Variants in CDH18 observed in about 807,000 individuals in gnomAD.
CDH18 encodes the protein cadherin 18.
Under a neutral mutation model 67.9 loss-of-function variants are expected in CDH18, and 31 were observed. The observed-to-expected ratio is 0.46, with a 90% CI of 0.34 to 0.62. The LOEUF is 0.62. CDH18 is among the 20% of genes least tolerant of loss of function. The pLI is 0.01. For missense variants in CDH18, 890 were observed against 975.5 expected, an observed-to-expected ratio of 0.91 and a Z score of 1.17; for synonymous variants, 362 against 347.2, an observed-to-expected ratio of 1.04 and a Z score of -0.48.
chr5:20,022,858 A>G (rs1738550837), intron 2 of CDH18, among the ~76,000 whole-genome samples: 1 of 152,304 alleles, frequency 6.6e-6, no homozygotes, highest in South Asian at 2.1e-4. Flanking sequence ...GGGTGAGTCT[A>G]TGCTTGCACT....
At chr5:20,493,356 T>TAAAAAAAAAAAAAAAAAAAAAA (rs148292031) in intron 1 of CDH18, among the ~76,000 whole-genome samples, 1 of 47,194 alleles carries the variant, frequency 2.1e-5, no homozygotes, top group Non-Finnish European at 3.5e-5. Flanking sequence ...TTCAGAAAAT[T>TAAAAAAAAAAAAAAAAAAAAAA]AAAAAAAAAA....
intron 2 of CDH18, among the ~76,000 whole-genome samples, chr5:20,045,078 T>C (rs1406940716): frequency 1.3e-5 from 2 of 152,168 alleles, no homozygotes; most frequent in Non-Finnish European, 2.9e-5. Context: ...CTCTCTCTAC[T>C]GTAAACATTT....
intron 3 of CDH18, among the ~76,000 whole-genome samples, chr5:19,812,490 A>G (rs931185652): frequency 6.6e-6 from 1 of 152,164 alleles, no homozygotes; most frequent in African/African-American, 2.4e-5. Context: ...TGGAAGTAAT[A>G]AATACATGCA....
chr5:19,547,452 A>G (rs1736531787), intron 8 of CDH18, among the ~76,000 whole-genome samples: 2 of 152,190 alleles, frequency 1.3e-5, no homozygotes, highest in East Asian at 1.9e-4. Flanking sequence ...ATGGCAGAGC[A>G]TGTCTCATTT....
intron 1 of CDH18, among the ~76,000 whole-genome samples, chr5:20,337,703 C>A (rs1232649071): frequency 1.3e-5 from 2 of 152,188 alleles, no homozygotes; most frequent in Non-Finnish European, 2.9e-5. Context: ...TTCTTCTGAG[C>A]CCTCCAAACA....
chr5:20,562,624 C>G, intron 1 of CDH18, among the ~76,000 whole-genome samples: 1 of 151,352 alleles, frequency 6.6e-6, no homozygotes, highest in South Asian at 2.1e-4. Context: ...TAATTACTGT[C>G]TTGTAATTAT....
chr5:19,537,518 C>G (rs989612404), intron 9 of CDH18, among the ~76,000 whole-genome samples: 2 of 151,962 alleles, frequency 1.3e-5, no homozygotes, highest in African/African-American at 2.4e-5. Context: ...TCTGGAGAAT[C>G]CTAATACACA....
chr5:20,405,250 T>A (rs1746136763), intron 1 of CDH18, among the ~76,000 whole-genome samples: 1 of 152,006 alleles, frequency 6.6e-6, no homozygotes, highest in Admixed American at 6.6e-5. Context: ...TATAGACCAA[T>A]GGAACAGAAC....
At chr5:20,009,270 T>C (rs1488483000) in intron 2 of CDH18, among the ~76,000 whole-genome samples, 3 of 152,092 alleles carry the variant, frequency 2.0e-5, no homozygotes, top group South Asian at 2.1e-4. Flanking sequence ...CATTTTCACA[T>C]TGACCGGTCT....
intron 2 of CDH18, among the ~76,000 whole-genome samples, chr5:20,088,701 T>A (rs955974883): frequency 3.3e-5 from 5 of 152,180 alleles, no homozygotes; most frequent in Admixed American, 6.6e-5. Flanking sequence ...AAGTTTTATA[T>A]TATTTAAGCC....
chr5:20,120,068 AGG>A (rs1260903367), intron 2 of CDH18, among the ~76,000 whole-genome samples: 1 of 152,164 alleles, frequency 6.6e-6, no homozygotes, highest in African/African-American at 2.4e-5. Context: ...ACTGTTTGAT[AGG>A]TAGCAAAGAC....
At chr5:20,224,316 A>G (rs1741443916) in intron 2 of CDH18, among the ~76,000 whole-genome samples, 1 of 152,164 alleles carries the variant, frequency 6.6e-6, no homozygotes, top group Non-Finnish European at 1.5e-5. Context: ...GTTATTTTGT[A>G]ATAGAGCAGC....
At chr5:20,252,880 G>A (rs1743962965) in intron 2 of CDH18, among the ~76,000 whole-genome samples, 1 of 151,096 alleles carries the variant, frequency 6.6e-6, no homozygotes, top group Non-Finnish European at 1.5e-5. Flanking sequence ...AGCTTGTAGT[G>A]AGCCGAGATT....
chr5:20,007,604 AAG>A lies in CDH18; in HGVS notation c.-517-15592_-517-15591del, dbSNP rs575291559. 4.0e-5 allele frequency among the ~76,000 whole-genome samples: 6 copies of A among 151,328 alleles called. No individual in the cohort carries two copies. In the South Asian group the frequency reaches 6.3e-4, roughly 16 times the overall value. On this transcript the variant is annotated intron_variant, in intron 2 of 14. Coordinates refer to the CDH18 transcript ENST00000507958. ...AAAGTGTGAATAGTGCAGAATTAGCAAGAGAGAGAGTAGCGGGAGTTGAAATC... is the reference window on the plus strand; with the variant it reads ...AAAGTGTGAATAGTGCAGAATTAGCAAGAGAGAGTAGCGGGAGTTGAAATC...
chr5:20,412,880 T>C (rs149176077), intron 1 of CDH18, among the ~76,000 whole-genome samples: 7,416 of 152,300 alleles, frequency 0.049, 253 homozygotes, highest in African/African-American at 0.1. Context: ...TTGTCACATA[T>C]GTATACATGT....
chr5:20,532,927 C>T (rs1056659831), intron 1 of CDH18, among the ~76,000 whole-genome samples: 2 of 151,424 alleles, frequency 1.3e-5, no homozygotes, highest in South Asian at 2.1e-4. Flanking sequence ...GAAACTCCCT[C>T]GTACAGTTTG....
At chr5:20,207,660 A>T (rs1740012782) in intron 2 of CDH18, among the ~76,000 whole-genome samples, 1 of 152,046 alleles carries the variant, frequency 6.6e-6, no homozygotes, top group Non-Finnish European at 1.5e-5. Context: ...CCATGCTGTG[A>T]TCCAATTATC....
chr5:19,821,010 A>C (rs1427239329), intron 3 of CDH18, among the ~76,000 whole-genome samples: 3 of 152,346 alleles, frequency 2.0e-5, no homozygotes, highest in South Asian at 4.1e-4. Flanking sequence ...TCAGATGAGA[A>C]GACATTGGCA....
intron 1 of CDH18, among the ~76,000 whole-genome samples, chr5:20,372,071 A>AT (rs566025498): frequency 1.6e-4 from 24 of 152,106 alleles, no homozygotes; most frequent in South Asian, 4.2e-4. Flanking sequence ...GAAAAGATAC[A>AT]TTTTTTTTGT....
Sources: gnomAD v4.1 joint callset for allele counts (sites outside exome capture counted in the v4.1 genomes callset) on GRCh38, gnomAD v4.1.1 for gene constraint, MANE v1.5 for transcripts, NCBI Gene and HGNC (gene_info 2026-07-23, HGNC 2026-07-21) for gene names.